CDH12: variants seen among roughly 807,000 people sequenced by gnomAD.
The protein encoded by CDH12 is cadherin 12.
Under a neutral mutation model 74.1 loss-of-function variants are expected in CDH12, and 41 were observed. The ratio of observed to expected loss-of-function variants is 0.55; its 90% CI spans 0.43 to 0.72. The LOEUF (loss-of-function observed/expected upper bound fraction) is 0.72. Among genes scored for constraint, CDH12 ranks in the 30% least tolerant of loss-of-function variants. The pLI is 0.00. For synonymous variants in CDH12, 399 were observed against 355.0 expected, an observed-to-expected ratio of 1.12 and a Z score of -1.39; for missense variants, 945 against 977.2, an observed-to-expected ratio of 0.97 and a Z score of 0.44.
rs752589545 is a variant in CDH12, at chr5:22,510,015, T to TA, written c.-522-4652dup. Among the ~76,000 whole-genome samples the TA allele has an allele frequency of 2.6e-3, 388 of 146,746 alleles. 4 individuals are homozygous for TA. The highest frequency in any genetic ancestry group is 7.1e-4 in the Non-Finnish European group (47 of 66,208). ...TAGATTCCATAACAAGGAAAAAATT[T>TA]AAAAAAAAAAATGTGAGAGAACACA... On this transcript the variant is annotated intron_variant, in intron 1 of 14. Transcript: ENST00000382254.
At chr5:21,918,499 G>T (rs1754203637) in intron 6 of CDH12, among the ~76,000 whole-genome samples, 1 of 152,030 alleles carries the variant, frequency 6.6e-6, no homozygotes, top group Admixed American at 6.6e-5. Flanking sequence ...CAGCACAGTT[G>T]GGGAGTCCTC....
intron 4 of CDH12, among the ~76,000 whole-genome samples, chr5:22,083,022 T>C (rs1316926145): frequency 6.6e-6 from 1 of 152,226 alleles, no homozygotes; most frequent in African/African-American, 2.4e-5. Context: ...GATATTTTCA[T>C]TGGGATGGTG....
At chr5:22,433,640 C>G (rs1465139901) in intron 2 of CDH12, among the ~76,000 whole-genome samples, 1 of 151,988 alleles carries the variant, frequency 6.6e-6, no homozygotes, top group Non-Finnish European at 1.5e-5. Context: ...TGAATTTTCA[C>G]AAAAAAGTAT....
At chr5:22,456,865 C>G (rs894483239) in intron 2 of CDH12, among the ~76,000 whole-genome samples, 1 of 151,826 alleles carries the variant, frequency 6.6e-6, no homozygotes, top group Non-Finnish European at 1.5e-5. Context: ...GTGGAGCTCA[C>G]AACAAAAGAT....
At position 22,078,824 on chromosome 5, in the gene CDH12, G is replaced by A; in HGVS notation, c.-148C>T. ...TGATGCAGGCATTAATCCTTTTGAT[G>A]AAAAGGCTTCTGCTGTATTATATTC... On this transcript the variant is annotated 5_prime_UTR_variant, in exon 5 of 15. Coordinates refer to ENST00000382254, the MANE Select transcript of CDH12 (RefSeq NM_004061.5). 2 of 1,430,436 alleles carry A rather than the reference G, an allele frequency of 1.4e-6. No homozygotes were observed. Among genetic ancestry groups the A allele is most frequent in the Non-Finnish European group, 1.8e-6 (2 of 1,096,048 alleles). The allele number at this position is 1,430,436 out of a possible 1,614,324, so 88.6% of individuals were successfully genotyped here.
Position 21,816,942 on chromosome 5 carries a change from T to C in CDH12, c.1002+3A>G, listed in dbSNP as rs779713059. On this transcript the variant is annotated splice_donor_region_variant and intron_variant, in intron 9 of 14. Transcript: ENST00000382254. Reference sequence around the variant, plus strand: ...TCAACTGTCCCAACATTTGTCTATATACCTTTTTCAATTTGATGACTCCCT... The same window carrying C: ...TCAACTGTCCCAACATTTGTCTATACACCTTTTTCAATTTGATGACTCCCT... 5.0e-6 allele frequency: 8 copies of C among 1,590,880 alleles called. No individual in the cohort carries two copies. In the Admixed American group the frequency reaches 1.4e-4, roughly 27 times the overall value.
chr5:22,214,830 T>G (rs1159119314), intron 3 of CDH12, among the ~76,000 whole-genome samples: 3 of 152,220 alleles, frequency 2.0e-5, no homozygotes, highest in East Asian at 3.8e-4. Flanking sequence ...AACCAGCCTT[T>G]CTGTTCTCAT....
intron 4 of CDH12, among the ~76,000 whole-genome samples, chr5:22,131,885 G>A (rs1042339359): frequency 6.6e-6 from 1 of 152,092 alleles, no homozygotes; most frequent in African/African-American, 2.4e-5. Context: ...GAGCTGGGTT[G>A]TTTTGAAAGG....
intron 4 of CDH12, among the ~76,000 whole-genome samples, chr5:22,091,352 G>C (rs1743424478): frequency 6.7e-6 from 1 of 149,812 alleles, no homozygotes; most frequent in South Asian, 2.1e-4. Flanking sequence ...CAGCATACAA[G>C]ATCAATATAC....
At chr5:21,785,573 G>A (rs1311790348) in intron 10 of CDH12, among the ~76,000 whole-genome samples, 1 of 152,140 alleles carries the variant, frequency 6.6e-6, no homozygotes, top group Non-Finnish European at 1.5e-5. Context: ...TTTTATTGTG[G>A]TTATAGAGAA....
chr5:22,821,194 C>T (rs1178664381), intron 1 of CDH12, among the ~76,000 whole-genome samples: 1 of 152,044 alleles, frequency 6.6e-6, no homozygotes, highest in Non-Finnish European at 1.5e-5. Flanking sequence ...ACGCTTCATG[C>T]TAAAAACTCT....
At chr5:22,214,462 G>GCAACTCCATGAGACTGCCC (rs1751721680) in intron 3 of CDH12, among the ~76,000 whole-genome samples, 1 of 152,116 alleles carries the variant, frequency 6.6e-6, no homozygotes, top group Admixed American at 6.5e-5. Context: ...AGCATAAATT[G>GCAACTCCATGAGACTGCCC]TAAAAATAAG....
At chr5:22,713,130 T>C (rs673090) in intron 1 of CDH12, among the ~76,000 whole-genome samples, 1 of 121,950 alleles carries the variant, frequency 8.2e-6, no homozygotes, top group Non-Finnish European at 1.6e-5. Flanking sequence ...CTTATGCTAA[T>C]TCTTTTTTTT....
chr5:22,815,458 A>G (rs539899488), intron 1 of CDH12, among the ~76,000 whole-genome samples: 1 of 152,198 alleles, frequency 6.6e-6, no homozygotes, highest in South Asian at 2.1e-4. Context: ...AAAAGTGGAA[A>G]TGGAGAGATC....
chr5:22,627,561 C>T (rs1330841096), intron 1 of CDH12, among the ~76,000 whole-genome samples: 1 of 151,856 alleles, frequency 6.6e-6, no homozygotes. Flanking sequence ...AATTCCTTGC[C>T]ACTTTACAAG....
At chr5:22,623,213 A>G (rs929414276) in intron 1 of CDH12, among the ~76,000 whole-genome samples, 1 of 152,208 alleles carries the variant, frequency 6.6e-6, no homozygotes, top group African/African-American at 2.4e-5. Context: ...AGCCAATATC[A>G]TACTGAATGG....
intron 6 of CDH12, among the ~76,000 whole-genome samples, chr5:21,918,895 A>G (rs139313212): frequency 1.8e-4 from 27 of 152,296 alleles, no homozygotes; most frequent in African/African-American, 6.3e-4. Flanking sequence ...TTTCCTTATT[A>G]TCAATATCTC....
rs1738241648 is a variant in CDH12, at chr5:22,308,835, C to CAT, written c.-332-96193_-332-96192insAT. Among the ~76,000 whole-genome samples, 2 of 149,974 alleles carry CAT rather than the reference C, an allele frequency of 1.3e-5. 1 individual carries two copies. The highest frequency in any genetic ancestry group is 3.9e-4 in the East Asian group (2 of 5,102). On this transcript the variant is annotated intron_variant, in intron 3 of 14. Coordinates refer to ENST00000382254, the MANE Select transcript of CDH12 (RefSeq NM_004061.5). The stretch of plus-strand genomic sequence containing the variant: ...ACACACACACACACACACACACACA[C>CAT]ACACACACACATACACACAGAGAGA...
At chr5:22,439,524 A>G (rs1744538321) in intron 2 of CDH12, among the ~76,000 whole-genome samples, 2 of 152,098 alleles carry the variant, frequency 1.3e-5, no homozygotes, top group Admixed American at 6.6e-5. Context: ...GGCAATATAG[A>G]CATTTTGCCT....
Sources: gnomAD v4.1 joint callset for allele counts (sites outside exome capture counted in the v4.1 genomes callset) on GRCh38, gnomAD v4.1.1 for gene constraint, MANE v1.5 for transcripts, NCBI Gene and HGNC (gene_info 2026-07-23, HGNC 2026-07-21) for gene names.